Variants in ASMTL observed in about 807,000 individuals in gnomAD.
ASMTL encodes the protein probable bifunctional dTTP/UTP pyrophosphatase/methyltransferase protein.
Under a neutral mutation model 60.3 loss-of-function variants are expected in ASMTL, and 57 were observed. That is an observed-to-expected ratio of 0.95 (90% CI 0.76 to 1.18). The LOEUF is 1.18. Ranked by LOEUF, ASMTL falls within the 50% of genes most tolerant of loss-of-function variation. The pLI is 0.00. For synonymous variants in ASMTL, 419 were observed against 373.0 expected, an observed-to-expected ratio of 1.12 and a Z score of -1.42; for missense variants, 981 against 852.6, an observed-to-expected ratio of 1.15 and a Z score of -1.88.
Position 1,435,521 on chromosome X carries a change from T to C in ASMTL, c.338+173A>G, listed in dbSNP as rs1245602655. 2.4e-5 allele frequency: 16 copies of C among 675,182 alleles called. No individual in the cohort carries two copies. The African/African-American group carries it at 2.9e-4, about 12-fold the overall frequency. 41.8% of individuals were successfully genotyped at this position (675,182 alleles called of 1,614,324 possible). On this transcript the variant is annotated intron_variant, in intron 4 of 12. Coordinates refer to ENST00000381317, the MANE Select transcript of ASMTL (RefSeq NM_004192.4). ...GCAGAATCCTAGACAAGGATGAGCATGGAGGGATAGTGCCTGCCTCCCTGC... is the reference window on the plus strand; with the variant it reads ...GCAGAATCCTAGACAAGGATGAGCACGGAGGGATAGTGCCTGCCTCCCTGC...
intron 3 of ASMTL, among the ~76,000 whole-genome samples, chrX:1,438,300 G>C (rs1398882022): frequency 1.3e-5 from 2 of 151,990 alleles, no homozygotes; most frequent in African/African-American, 2.4e-5. Context: ...AAAAAGAAGA[G>C]GGAAATTTGG....
intron 6 of ASMTL, chrX:1,428,322 CAAAAAAA>C: frequency 1.5e-5 from 2 of 135,982 alleles, no homozygotes; most frequent in Non-Finnish European, 3.0e-5. Context: ...TTTGGCATCT[CAAAAAAA>C]AAAAAAAAAA....
intron 2 of ASMTL, among the ~76,000 whole-genome samples, chrX:1,441,169 CTATTA>C (rs1268732961): frequency 1.3e-5 from 2 of 151,994 alleles, no homozygotes; most frequent in Admixed American, 6.6e-5. Context: ...ATAAATGATA[CTATTA>C]TATTAATTGC....
chrX:1,414,949 TA>T (rs1453541377), intron 11 of ASMTL, among the ~76,000 whole-genome samples: 4 of 151,170 alleles, frequency 2.6e-5, no homozygotes, highest in Admixed American at 6.6e-5. Context: ...TTTATTTTTT[TA>T]TTTTTTTTGA....
intron 1 of ASMTL, 88 bp from the exon 2 acceptor site, chrX:1,442,405 G>C: frequency 2.0e-6 from 3 of 1,490,584 alleles, no homozygotes; most frequent in Non-Finnish European, 2.8e-6. Context: ...GACGCACATA[G>C]CGTTTGCTAC....
At chrX:1,411,367 T>C (rs1364811708) in intron 12 of ASMTL, among the ~76,000 whole-genome samples, 2 of 152,142 alleles carry the variant, frequency 1.3e-5, no homozygotes, top group Non-Finnish European at 2.9e-5. Flanking sequence ...GAATTCTCAC[T>C]GGAGCAACAA....
intron 11 of ASMTL, among the ~76,000 whole-genome samples, chrX:1,416,707 TACGC>T (rs1346749164): frequency 4.0e-5 from 6 of 148,824 alleles, no homozygotes; most frequent in African/African-American, 9.9e-5. Flanking sequence ...GACACATTCT[TACGC>T]ACGCACACAC....
intron 12 of ASMTL, among the ~76,000 whole-genome samples, chrX:1,410,466 G>A (rs1162852565): frequency 1.3e-5 from 2 of 151,824 alleles, no homozygotes; most frequent in South Asian, 2.1e-4. Context: ...CCAGGCTGGA[G>A]TGCAGTGGCG....
chrX:1,404,108 G>T (rs2089700893), intron 12 of ASMTL, among the ~76,000 whole-genome samples: 1 of 151,978 alleles, frequency 6.6e-6, no homozygotes, highest in Admixed American at 6.6e-5. Context: ...AAGATGAATA[G>T]ATGGGTGCAT....
In ASMTL at chrX:1,425,677, G is replaced by A. The variant is rs2090596411; in HGVS notation, c.908C>T (p.Thr303Ile). 1 of 1,613,504 alleles carries A rather than the reference G, an allele frequency of 6.2e-7. No individual in the cohort carries two copies. The highest frequency in any genetic ancestry group is 1.1e-5 in the South Asian group (1 of 91,048). ...EGFMLSKGLL[T>I]ACKLKVFDLL... The stretch of plus-strand genomic sequence containing the variant: ...ATCGAACACCTTCAGTTTGCAAGCG[G>A]TGAGCAGGCCCTGTTAAAAGCAAGT... The change falls in exon 8 of 13, where the codon ACC becomes ATC. Residue 303 changes from threonine (T) to isoleucine (I), a missense_variant. Transcript: ENST00000381317.
intron 6 of ASMTL, among the ~76,000 whole-genome samples, chrX:1,430,893 T>A (rs2090754264): frequency 6.9e-6 from 1 of 144,208 alleles, no homozygotes; most frequent in East Asian, 2.0e-4. Context: ...ATATTTTATA[T>A]AATTATATAT....
intron 12 of ASMTL, among the ~76,000 whole-genome samples, chrX:1,410,781 T>G (rs1283509306): frequency 8.6e-5 from 13 of 151,648 alleles, no homozygotes; most frequent in Non-Finnish European, 1.6e-4. Context: ...TTCCAGCTAC[T>G]CGGGAGGCTG....
intron 5 of ASMTL, among the ~76,000 whole-genome samples, chrX:1,432,912 A>G (rs1482859147): frequency 6.6e-6 from 1 of 152,302 alleles, no homozygotes; most frequent in African/African-American, 2.4e-5. Context: ...AGCCTGGCCA[A>G]CATGGCGAAA....
chrX:1,442,472 G>A (rs1352564893), intron 1 of ASMTL, 155 bp from the exon 2 acceptor site: 24 of 377,968 alleles, frequency 6.3e-5, no homozygotes, highest in African/African-American at 5.0e-4. Flanking sequence ...CCCTAAGTGT[G>A]GCTGGGGAGC....
chrX:1,403,621 G>C, intron 12 of ASMTL, 132 bp from the exon 13 acceptor site: 1 of 750,126 alleles, frequency 1.3e-6, no homozygotes, highest in Admixed American at 2.2e-5. Flanking sequence ...TGGCCAGGGG[G>C]CCCACACAGG....
At chrX:1,412,310 C>G (rs1375258633) in intron 12 of ASMTL, among the ~76,000 whole-genome samples, 1 of 152,190 alleles carries the variant, frequency 6.6e-6, no homozygotes, top group Non-Finnish European at 1.5e-5. Flanking sequence ...TCACTGCAGT[C>G]TCCAGCTCCC....
chrX:1,416,284 CAG>C (rs1338953782), intron 11 of ASMTL, among the ~76,000 whole-genome samples: 1 of 149,404 alleles, frequency 6.7e-6, no homozygotes, highest in African/African-American at 2.5e-5. Context: ...CACCAACAGA[CAG>C]GCACGCACAC....
At chrX:1,441,489 C>G (rs1334328879) in intron 2 of ASMTL, 1 of 152,140 alleles carries the variant, frequency 6.6e-6, no homozygotes, top group African/African-American at 2.4e-5. Context: ...GTTGGTCAGG[C>G]TGGTCTCGAA....
At chrX:1,438,945 C>T (rs1216922292) in intron 3 of ASMTL, 152 bp downstream of exon 3, 2 of 862,092 alleles carry the variant, frequency 2.3e-6, no homozygotes. Context: ...TGCCCTTAGG[C>T]CCCTCATCTG....
Sources: allele counts gnomAD v4.1 joint callset (sites outside exome capture counted in the v4.1 genomes callset), GRCh38; gene constraint gnomAD v4.1.1; transcripts MANE v1.5; gene names NCBI Gene and HGNC (gene_info 2026-07-23, HGNC 2026-07-21).